Variants in CTNNA2 observed in about 807,000 individuals in gnomAD.
CTNNA2 encodes the protein catenin alpha 2.
In CTNNA2, 42 loss-of-function variants were observed where a neutral mutation model predicts 101.0. That is an observed-to-expected ratio of 0.42 (90% CI 0.32 to 0.54). The LOEUF (loss-of-function observed/expected upper bound fraction) is 0.54. Among genes scored for constraint, CTNNA2 ranks in the 20% least tolerant of loss-of-function variants. The probability of loss-of-function intolerance (pLI) is 0.14; values close to 1 mark genes in which losing one functional copy is unlikely to be tolerated. For synonymous variants in CTNNA2, 450 were observed against 456.4 expected, an observed-to-expected ratio of 0.99 and a Z score of 0.18; for missense variants, 871 against 1,223.1, an observed-to-expected ratio of 0.71 and a Z score of 4.29.
intron 2 of CTNNA2, among the ~76,000 whole-genome samples, chr2:79,716,500 G>T (rs569756626): frequency 3.7e-4 from 56 of 152,206 alleles, no homozygotes; most frequent in African/African-American, 1.3e-3. Context: ...AAGCCCCATT[G>T]TTTGTTGTCC....
chr2:79,295,533 A>G (rs1220614970), intron 2 of CTNNA2, among the ~76,000 whole-genome samples: 2 of 110,700 alleles, frequency 1.8e-5, no homozygotes, highest in Non-Finnish European at 4.0e-5. Context: ...TTTTTTTTTT[A>G]TTTCACCCTC....
At chr2:80,438,462 G>A (rs12052889) in intron 9 of CTNNA2, among the ~76,000 whole-genome samples, 17,090 of 151,706 alleles carry the variant, frequency 0.11, 1,848 homozygotes, top group East Asian at 0.56. Flanking sequence ...GAGAAGGGAA[G>A]CAGAAATACT....
At chr2:79,249,590 A>G (rs772348037) in intron 2 of CTNNA2, among the ~76,000 whole-genome samples, 1 of 152,178 alleles carries the variant, frequency 6.6e-6, no homozygotes, top group East Asian at 1.9e-4. Context: ...TAGGTCCACC[A>G]ATGCTCCTAA....
chr2:80,490,494 A>G (rs1686978910), intron 9 of CTNNA2, among the ~76,000 whole-genome samples: 1 of 151,842 alleles, frequency 6.6e-6, no homozygotes, highest in African/African-American at 2.4e-5. Context: ...ACAAAATACT[A>G]CTCTTTAGAT....
chr2:79,312,157 C>T (rs1342138007), intron 2 of CTNNA2, among the ~76,000 whole-genome samples: 1 of 152,154 alleles, frequency 6.6e-6, no homozygotes, highest in Non-Finnish European at 1.5e-5. Context: ...GATCTTCCTA[C>T]CTCAGCCTCT....
At chr2:80,622,169 T>G (rs1017612803) in intron 18 of CTNNA2, among the ~76,000 whole-genome samples, 3 of 151,928 alleles carry the variant, frequency 2.0e-5, no homozygotes, top group Non-Finnish European at 4.4e-5. Flanking sequence ...GATACATGTC[T>G]TTGGAAGAAT....
At chr2:80,211,662 C>G (rs60529815) in intron 7 of CTNNA2, among the ~76,000 whole-genome samples, 33,128 of 152,078 alleles carry the variant, frequency 0.22, 5,386 homozygotes, top group African/African-American at 0.45. Context: ...ATGCCTCTAG[C>G]TTTGTTCTTT....
chr2:80,508,759 C>A lies in CTNNA2; in HGVS notation c.1291-36223C>A, dbSNP rs140608031. ...CACTGACCTCCTCATACAGAGTTCC[C>A]TCCATGAAGCCATGTTCCCTGAGGA... On this transcript the variant is annotated intron_variant, in intron 9 of 18. Coordinates refer to ENST00000402739, the MANE Select transcript of CTNNA2 (RefSeq NM_001282597.3). 6.7e-3 allele frequency among the ~76,000 whole-genome samples: 1,012 copies of A among 151,956 alleles called. 9 individuals are homozygous for A. Among genetic ancestry groups the A allele is most frequent in the Middle Eastern group, 0.021 (6 of 292 alleles).
intron 7 of CTNNA2, among the ~76,000 whole-genome samples, chr2:80,031,227 G>C (rs1695266301): frequency 6.6e-6 from 1 of 152,128 alleles, no homozygotes; most frequent in African/African-American, 2.4e-5. Flanking sequence ...TAGAAAAGTA[G>C]AACCTCAAAA....
At chr2:80,077,037 C>G (rs1698803544) in intron 7 of CTNNA2, among the ~76,000 whole-genome samples, 1 of 152,078 alleles carries the variant, frequency 6.6e-6, no homozygotes, top group Non-Finnish European at 1.5e-5. Context: ...CAGAGTGAGA[C>G]TCTGTCTCAA....
chr2:80,029,362 T>C (rs1035437079), intron 7 of CTNNA2: 27 of 152,146 alleles, frequency 1.8e-4, no homozygotes, highest in African/African-American at 5.8e-4. Context: ...AAAGGGAGGG[T>C]GGAAAGGACA....
intron 7 of CTNNA2, among the ~76,000 whole-genome samples, chr2:79,933,256 A>G (rs1687567653): frequency 6.6e-6 from 1 of 152,042 alleles, no homozygotes; most frequent in Non-Finnish European, 1.5e-5. Context: ...CGGGCAGAGG[A>G]AGCTTATATT....
At chr2:80,587,389 A>G (rs1212689484) in intron 14 of CTNNA2, among the ~76,000 whole-genome samples, 1 of 152,148 alleles carries the variant, frequency 6.6e-6, no homozygotes, top group African/African-American at 2.4e-5. Flanking sequence ...AGGCAAATTA[A>G]TGGCAGCAGT....
intron 15 of CTNNA2, among the ~76,000 whole-genome samples, chr2:80,602,807 A>C (rs1345613605): frequency 6.6e-6 from 1 of 152,066 alleles, no homozygotes; most frequent in Non-Finnish European, 1.5e-5. Flanking sequence ...ACGTCACTAC[A>C]ACAAAATGAA....
chr2:79,603,440 A>G (rs1232181976), intron 1 of CTNNA2, among the ~76,000 whole-genome samples: 1 of 152,212 alleles, frequency 6.6e-6, no homozygotes, highest in Non-Finnish European at 1.5e-5. Context: ...CTTATAATCC[A>G]AAAACTAAGT....
intron 3 of CTNNA2, chr2:79,319,675 G>T (rs2104407804): frequency 6.6e-6 from 1 of 152,222 alleles, no homozygotes; most frequent in Middle Eastern, 3.4e-3. Flanking sequence ...TCTTATGGTA[G>T]TATACATAAC....
chr2:80,482,194 A>G (rs1686204986), intron 9 of CTNNA2, among the ~76,000 whole-genome samples: 1 of 152,076 alleles, frequency 6.6e-6, no homozygotes, highest in African/African-American at 2.4e-5. Context: ...CCTCCTCCCA[A>G]AAGTCTGTCA....
At chr2:80,545,169 G>C (rs2149629945) in intron 10 of CTNNA2, 95 bp downstream of exon 10, 1 of 1,164,040 alleles carries the variant, frequency 8.6e-7, no homozygotes, top group Non-Finnish European at 1.2e-6. Context: ...TCCTCTTGCT[G>C]AAAAAGGCTA....
chr2:79,922,808 A>G (rs1298664108), intron 7 of CTNNA2, among the ~76,000 whole-genome samples: 1 of 152,128 alleles, frequency 6.6e-6, no homozygotes, highest in Non-Finnish European at 1.5e-5. Context: ...TTTAGATACA[A>G]CTAAAATTGG....
Sources: allele counts gnomAD v4.1 joint callset (sites outside exome capture counted in the v4.1 genomes callset), GRCh38; gene constraint gnomAD v4.1.1; transcripts MANE v1.5; gene names NCBI Gene and HGNC (gene_info 2026-07-23, HGNC 2026-07-21).